RBFOX1: variants seen among roughly 807,000 people sequenced by gnomAD.
The protein encoded by RBFOX1 is RNA binding fox-1 homolog 1.
Under a neutral mutation model 57.7 loss-of-function variants are expected in RBFOX1, and 8 were observed. The ratio of observed to expected loss-of-function variants is 0.14; its 90% confidence interval spans 0.08 to 0.25. The LOEUF (loss-of-function observed/expected upper bound fraction) is 0.25, where lower values mean the gene tolerates loss of function less well. Among genes scored for constraint, RBFOX1 ranks in the 10% least tolerant of loss-of-function variants. The pLI, the probability that RBFOX1 is intolerant of heterozygous loss-of-function variation, is 1.00. For synonymous variants in RBFOX1, 326 were observed against 222.4 expected (o/e 1.47, Z -4.15); for missense variants, 611 against 548.5 (o/e 1.11, Z -1.14).
chr16:7,020,618 C>G (rs554883939), intron 3 of RBFOX1, among the ~76,000 whole-genome samples: 1 of 152,284 alleles, frequency 6.6e-6, no homozygotes, highest in African/African-American at 2.4e-5. Flanking sequence ...GAAGATCAGA[C>G]ATGTCCACAT....
intron 2 of RBFOX1, among the ~76,000 whole-genome samples, chr16:5,593,676 G>A (rs999639461): frequency 1.3e-5 from 2 of 152,150 alleles, no homozygotes; most frequent in African/African-American, 2.4e-5. Context: ...CTGAAAAGAA[G>A]AGGCATGAAT....
At chr16:6,578,768 T>C (rs1007094232) in intron 2 of RBFOX1, among the ~76,000 whole-genome samples, 1 of 152,028 alleles carries the variant, frequency 6.6e-6, no homozygotes, top group Non-Finnish European at 1.5e-5. Flanking sequence ...CAAAGTAAAA[T>C]AGATAAAAAT....
chr16:6,771,871 T>G (rs8051610), intron 3 of RBFOX1, among the ~76,000 whole-genome samples: 2 of 151,922 alleles, frequency 1.3e-5, no homozygotes, highest in Non-Finnish European at 2.9e-5. Flanking sequence ...GGCTGTGTCT[T>G]TTCCCTTCTC....
At chr16:7,273,728 A>C (rs895239582) in intron 4 of RBFOX1, among the ~76,000 whole-genome samples, 1 of 152,212 alleles carries the variant, frequency 6.6e-6, no homozygotes, top group Non-Finnish European at 1.5e-5. Context: ...AATTTTATCT[A>C]AATTCCCCAT....
At chr16:7,475,325 T>C (rs78324557) in intron 4 of RBFOX1, among the ~76,000 whole-genome samples, 4 of 150,782 alleles carry the variant, frequency 2.7e-5, no homozygotes, top group African/African-American at 4.9e-5. Context: ...TTTTTTTTTT[T>C]TTCTTTCTAG....
intron 4 of RBFOX1, among the ~76,000 whole-genome samples, chr16:7,493,767 G>A (rs2067698074): frequency 6.6e-6 from 1 of 152,194 alleles, no homozygotes. Flanking sequence ...TACGTCAGTT[G>A]AGAAATCAGA....
chr16:7,367,777 C>G (rs193085834), intron 4 of RBFOX1, among the ~76,000 whole-genome samples: 10 of 152,004 alleles, frequency 6.6e-5, no homozygotes, highest in Non-Finnish European at 1.5e-4. Context: ...GTCAGATTTT[C>G]TGATATTTCA....
chr16:6,799,504 A>G (rs1177833257), intron 3 of RBFOX1, among the ~76,000 whole-genome samples: 1 of 152,132 alleles, frequency 6.6e-6, no homozygotes, highest in Non-Finnish European at 1.5e-5. Flanking sequence ...GGATTGAAGG[A>G]TGCCTAGAGA....
chr16:7,616,370 C>T (rs2058445361), intron 10 of RBFOX1, among the ~76,000 whole-genome samples: 1 of 152,166 alleles, frequency 6.6e-6, no homozygotes. Flanking sequence ...TGAAGCTCAC[C>T]TGAGCCTTAG....
chr16:7,364,473 G>C (rs1402451403), intron 4 of RBFOX1, among the ~76,000 whole-genome samples: 1 of 151,682 alleles, frequency 6.6e-6, no homozygotes, highest in Non-Finnish European at 1.5e-5. Context: ...TATCAGGTTG[G>C]GTTGCTGAGT....
chr16:7,125,131 C>A (rs947368562), intron 4 of RBFOX1, among the ~76,000 whole-genome samples: 2 of 152,076 alleles, frequency 1.3e-5, no homozygotes, highest in African/African-American at 2.4e-5. Flanking sequence ...GTTTCTTTTG[C>A]CCTTGGGAAG....
chr16:7,269,854 G>T (rs2095273630), intron 4 of RBFOX1, among the ~76,000 whole-genome samples: 1 of 152,168 alleles, frequency 6.6e-6, no homozygotes, highest in East Asian at 1.9e-4. Context: ...TGAACTGGTT[G>T]TGCCCCTGCA....
chr16:6,487,681 AAAAAAAAAAAAAAAAAAAAATATAT>A (rs2095517777), intron 2 of RBFOX1, among the ~76,000 whole-genome samples: 1 of 9,610 alleles, frequency 1.0e-4, no homozygotes, highest in African/African-American at 2.9e-4. Flanking sequence ...TGTAAAAAAA[AAAAAAAAAAAAAAAAAAAAATATAT>A]ATATATATAT....
chr16:5,436,378 A>G (rs945928430), intron 1 of RBFOX1, among the ~76,000 whole-genome samples: 6 of 151,834 alleles, frequency 4.0e-5, no homozygotes, highest in Non-Finnish European at 7.4e-5. Context: ...AACCACCATC[A>G]CTCTGCATGG....
chr16:6,823,464 C>T (rs1332117720), intron 3 of RBFOX1, among the ~76,000 whole-genome samples: 3 of 152,056 alleles, frequency 2.0e-5, no homozygotes, highest in African/African-American at 4.8e-5. Flanking sequence ...GCCATGTTGG[C>T]CACGCTAGTC....
intron 3 of RBFOX1, among the ~76,000 whole-genome samples, chr16:5,650,818 T>C: frequency 6.6e-6 from 1 of 152,086 alleles, no homozygotes; most frequent in Middle Eastern, 3.2e-3. Flanking sequence ...TTTGTCCTTA[T>C]GGAGGACGGG....
intron 4 of RBFOX1, among the ~76,000 whole-genome samples, chr16:7,484,757 C>G (rs1015368014): frequency 1.3e-5 from 2 of 152,192 alleles, no homozygotes; most frequent in African/African-American, 4.8e-5. Flanking sequence ...AGCCACAGTG[C>G]CTGGCTGGCA....
chr16:5,963,375 G>A (rs9929826), intron 4 of RBFOX1, among the ~76,000 whole-genome samples: 6,732 of 152,200 alleles, frequency 0.044, 488 homozygotes, highest in African/African-American at 0.15. Context: ...AGTGTTATAC[G>A]CCAGGTTTAA....
intron 1 of RBFOX1, among the ~76,000 whole-genome samples, chr16:5,310,199 G>C (rs1017370762): frequency 2.6e-5 from 4 of 152,126 alleles, no homozygotes; most frequent in African/African-American, 9.7e-5. Context: ...AGGAGTTTGA[G>C]ACCAGCTGCC....
Sources: gnomAD v4.1 joint callset for allele counts (sites outside exome capture counted in the v4.1 genomes callset) on GRCh38, gnomAD v4.1.1 for gene constraint, MANE v1.5 for transcripts, NCBI Gene and HGNC (gene_info 2026-07-23, HGNC 2026-07-21) for gene names.